The following DYTN variants were observed in gnomAD, a reference collection of about 807,000 sequenced individuals.
The protein encoded by DYTN is dystrotelin.
In DYTN, 75 loss-of-function variants were observed where a neutral mutation model predicts 69.6. That is an observed-to-expected ratio of 1.08 (90% confidence interval 0.89 to 1.31). DYTN has a LOEUF of 1.31. Ranked by LOEUF, DYTN falls within the 50% of genes most tolerant of loss-of-function variation. The probability of loss-of-function intolerance (pLI) is 0.00; values close to 1 mark genes in which losing one functional copy is unlikely to be tolerated. For missense variants in DYTN, 726 were observed against 688.4 expected, an observed-to-expected ratio of 1.05 and a Z score of -0.61; for synonymous variants, 252 against 249.1, an observed-to-expected ratio of 1.01 and a Z score of -0.11.
At chr2:206,697,122 G>A (rs1242069112) in intron 7 of DYTN, among the ~76,000 whole-genome samples, 1 of 152,154 alleles carries the variant, frequency 6.6e-6, no homozygotes, top group Non-Finnish European at 1.5e-5. Flanking sequence ...GCTTTATCAA[G>A]CATTAACTGG....
intron 8 of DYTN, 53 bp from the exon 9 acceptor site, chr2:206,693,376 C>A: frequency 6.4e-7 from 1 of 1,555,368 alleles, no homozygotes; most frequent in Non-Finnish European, 8.7e-7. Context: ...TACGTGTGGT[C>A]TTCCTTCCTT....
At chr2:206,661,928 G>T (rs1418808221) in intron 11 of DYTN, among the ~76,000 whole-genome samples, 1 of 152,126 alleles carries the variant, frequency 6.6e-6, no homozygotes, top group African/African-American at 2.4e-5. Context: ...TTATGATGGT[G>T]CAAAAGTGAT....
intron 11 of DYTN, 27 bp downstream of exon 11, chr2:206,662,876 G>T: frequency 1.3e-6 from 2 of 1,581,060 alleles, no homozygotes; most frequent in South Asian, 2.4e-5. Flanking sequence ...TGGCCATCAC[G>T]ATGTCTATGG....
At chr2:206,675,145 G>GTA (rs374365439) in intron 9 of DYTN, among the ~76,000 whole-genome samples, 11 of 120,446 alleles carry the variant, frequency 9.1e-5, no homozygotes, top group Non-Finnish European at 1.7e-4. Context: ...GTGTGTGTGT[G>GTA]TATATATGTG....
At chr2:206,675,444 G>GTAAC (rs1699676850) in intron 9 of DYTN, among the ~76,000 whole-genome samples, 1 of 151,040 alleles carries the variant, frequency 6.6e-6, no homozygotes, top group Non-Finnish European at 1.5e-5. Flanking sequence ...TCTTTTCAGG[G>GTAAC]TAACTATTCA....
At chr2:206,712,043 G>T (rs1700083187) in intron 1 of DYTN, among the ~76,000 whole-genome samples, 1 of 151,996 alleles carries the variant, frequency 6.6e-6, no homozygotes, top group South Asian at 2.1e-4. Context: ...CACATTAATA[G>T]CTTAGTTTAT....
chr2:206,699,122 A>G (rs889790966), intron 7 of DYTN, among the ~76,000 whole-genome samples: 2 of 152,206 alleles, frequency 1.3e-5, no homozygotes, highest in African/African-American at 4.8e-5. Context: ...ATGGCTCCAA[A>G]ATTTAAAAGG....
Position 206,694,815 on chromosome 2 carries a change from T to C in DYTN, c.782A>G (p.His261Arg), listed in dbSNP as rs1699902940. 1 of 1,610,934 alleles carries C rather than the reference T, an allele frequency of 6.2e-7. No individual in the cohort carries two copies. The highest frequency in any genetic ancestry group is 1.3e-5 in the African/African-American group (1 of 74,518). The change falls in exon 8 of 12, where the codon CAC (histidine) becomes CGC (arginine). Residue 261 changes from histidine (H) to arginine (R), a missense_variant. By Grantham distance (29) the His-to-Arg change is conservative. Transcript: ENST00000452335. Reference sequence around the variant, plus strand: ...ATGAGACTTCTGATGGGACTTGCTGTGAAGACCAGATAAGAAACACATCTG... The same window carrying C: ...ATGAGACTTCTGATGGGACTTGCTGCGAAGACCAGATAAGAAACACATCTG... ...ICQMCFLSGL[H>R]SKSHQKSHPV...
At chr2:206,673,808 G>A (rs963643339) in intron 9 of DYTN, among the ~76,000 whole-genome samples, 2 of 152,174 alleles carry the variant, frequency 1.3e-5, no homozygotes, top group South Asian at 4.1e-4. Flanking sequence ...CATATCAGAG[G>A]TGGCACATAT....
chr2:206,700,946 GT>G, intron 5 of DYTN: 1 of 152,268 alleles, frequency 6.6e-6, no homozygotes, highest in Admixed American at 6.5e-5. Context: ...TGAACTCATT[GT>G]TTTTTATGGC....
chr2:206,717,343 TG>T (rs1490368503), intron 1 of DYTN, among the ~76,000 whole-genome samples: 1 of 152,220 alleles, frequency 6.6e-6, no homozygotes, highest in Non-Finnish European at 1.5e-5. Context: ...AAATAGATGC[TG>T]TAGGCCAGTG....
At chr2:206,661,295 G>A (rs1182686834) in intron 11 of DYTN, among the ~76,000 whole-genome samples, 3 of 152,140 alleles carry the variant, frequency 2.0e-5, no homozygotes, top group Admixed American at 6.5e-5. Flanking sequence ...AAACTAATAC[G>A]CCAACTCAGA....
intron 11 of DYTN, 80 bp from the exon 12 acceptor site, chr2:206,652,001 G>A: frequency 1.5e-6 from 2 of 1,308,122 alleles, no homozygotes; most frequent in Non-Finnish European, 2.1e-6. Context: ...GCTCTCACAT[G>A]GAGAAGAAAC....
chr2:206,697,825 T>C (rs1699937295), intron 7 of DYTN, among the ~76,000 whole-genome samples: 1 of 152,200 alleles, frequency 6.6e-6, no homozygotes, highest in African/African-American at 2.4e-5. Flanking sequence ...TCAACAGATA[T>C]TTGAAGGGTA....
intron 9 of DYTN, among the ~76,000 whole-genome samples, chr2:206,679,746 C>A (rs1480477048): frequency 6.6e-6 from 1 of 152,122 alleles, no homozygotes; most frequent in Non-Finnish European, 1.5e-5. Context: ...CTACAAGACA[C>A]AATGAGAACA....
Position 206,693,238 on chromosome 2 carries a change from G to C in DYTN, c.917C>G (p.Ala306Gly), listed in dbSNP as rs781120785. 1.2e-6 allele frequency: 2 copies of C among 1,613,442 alleles called. No homozygotes were observed. The highest frequency in any genetic ancestry group is 2.2e-5 in the South Asian group (2 of 91,072). ...CTGGTCCAGCAGCTGCTGCCTTCTC[G>C]CTGCTTCTTTCTTCCTACAGCGCCC... ...LQGRCRKKEA[A>G]RRQQLLDQVN... The change falls in exon 9 of 12, where the codon GCG becomes GGG. Residue 306 changes from alanine (A) to glycine (G), a missense_variant. Physicochemically the swap from Ala to Gly is moderately conservative, Grantham distance 60. Coordinates refer to ENST00000452335, the MANE Select transcript of DYTN (RefSeq NM_001093730.1).
Position 206,651,717 on chromosome 2 carries a change from C to T in DYTN, c.*101G>A. The T allele has an allele frequency of 9.0e-7, 1 of 1,105,760 alleles. No individual in the cohort carries two copies. Among genetic ancestry groups the T allele is most frequent in the South Asian group, 1.5e-5 (1 of 68,342 alleles). The allele number at this position is 1,105,760 out of a possible 1,614,324, so 68.5% of individuals were successfully genotyped here. Reference sequence around the variant, plus strand: ...AAACCTGTTTTCTTCATAGTTCACACTAAACTATTAAAAGAAAGGTAGAAG... The same window carrying T: ...AAACCTGTTTTCTTCATAGTTCACATTAAACTATTAAAAGAAAGGTAGAAG... On this transcript the variant is annotated 3_prime_UTR_variant, in exon 12 of 12. Transcript: ENST00000452335.
In DYTN at chr2:206,663,313, A is replaced by G. The variant is rs1296314439; in HGVS notation, c.1223T>C (p.Val408Ala). Reference protein sequence around the residue: ...NKVDHSSTEKVPKGGDYLQIK... With the variant: ...NKVDHSSTEKAPKGGDYLQIK... ...CTGCAAATAATCCCCTCCCTTTGGA[A>G]CCTTTTCAGTTGAAGAATGGTCAAC... The change falls in exon 11 of 12, where the codon GTT becomes GCT. Residue 408 changes from valine to alanine, a missense_variant. Transcript: ENST00000452335. 1.4e-5 allele frequency: 22 copies of G among 1,613,874 alleles called. No homozygotes were observed. The East Asian group carries it at 4.2e-4, about 31-fold the overall frequency.
chr2:206,652,651 C>T (rs1699400885), intron 11 of DYTN, among the ~76,000 whole-genome samples: 1 of 152,072 alleles, frequency 6.6e-6, no homozygotes, highest in Non-Finnish European at 1.5e-5. Context: ...CATTTGTACC[C>T]TGAGATATTA....
Sources: gnomAD v4.1 joint callset for allele counts (sites outside exome capture counted in the v4.1 genomes callset) on GRCh38, gnomAD v4.1.1 for gene constraint, MANE v1.5 for transcripts, NCBI Gene and HGNC (gene_info 2026-07-23, HGNC 2026-07-21) for gene names.